Variants in CFAP97 observed in about 807,000 individuals in gnomAD.
The protein encoded by CFAP97 is cilia- and flagella-associated protein 97.
A neutral mutation model predicts 43.1 loss-of-function variants in CFAP97; 36 were observed. The observed-to-expected ratio is 0.84, with a 90% CI of 0.64 to 1.10. The LOEUF is 1.10. Ranked by LOEUF, CFAP97 falls within the 50% of genes least tolerant of loss-of-function variation. The pLI is 0.00. For synonymous variants in CFAP97, 228 were observed against 225.7 expected, an observed-to-expected ratio of 1.01 and a Z score of -0.09; for missense variants, 657 against 620.3, an observed-to-expected ratio of 1.06 and a Z score of -0.63.
At chr4:185,207,398 A>G (rs1175301859), upstream of CFAP97, among the ~76,000 whole-genome samples, 1 of 151,638 alleles carries the variant, frequency 6.6e-6, no homozygotes, top group South Asian at 2.1e-4. Flanking sequence ...TTGTATTTTT[A>G]GTAGAGACGG....
chr4:185,162,638 T>G lies in CFAP97; in HGVS notation c.*160A>C. The G allele has an allele frequency of 4.1e-6, 3 of 731,546 alleles. No homozygotes were observed. The South Asian group carries it at 5.8e-5, about 14-fold the overall frequency. 45.3% of individuals were successfully genotyped at this position (731,546 alleles called of 1,614,324 possible). ...ACACTTTTTACATTAAATCGTTTTT[T>G]GACAATAATTTTGCACTGAATAACA... On this transcript the variant is annotated 3_prime_UTR_variant, in exon 5 of 5. Transcript: ENST00000458385.
chr4:185,195,802 G>C (rs760893601), intron 1 of CFAP97, among the ~76,000 whole-genome samples: 2 of 152,094 alleles, frequency 1.3e-5, no homozygotes, highest in Non-Finnish European at 2.9e-5. Flanking sequence ...GCCACTGAAT[G>C]GTGAATAGGT....
intron 2 of CFAP97, among the ~76,000 whole-genome samples, chr4:185,188,611 T>C (rs981500718): frequency 6.6e-6 from 1 of 152,198 alleles, no homozygotes; most frequent in Admixed American, 6.5e-5. Flanking sequence ...CCAAAGGTGC[T>C]AGGATTACAG....
Position 185,165,829 on chromosome 4 carries a change from A to T in CFAP97, c.1321-1650T>A, listed in dbSNP as rs77459634. Among the ~76,000 whole-genome samples, 796 of 152,280 alleles carry T rather than the reference A, an allele frequency of 5.2e-3. 5 individuals are homozygous for T. The highest frequency in any genetic ancestry group is 0.018 in the African/African-American group (733 of 41,548). On this transcript the variant is annotated intron_variant, in intron 3 of 4. Transcript: ENST00000458385. ...CTTTTCTTCCACTTGGTGTTTTATC[A>T]GTTTCACCCCCTGCCCTTCCATGCT...
At chr4:185,189,148 GAT>G (rs1328052216) in intron 2 of CFAP97, among the ~76,000 whole-genome samples, 1 of 152,082 alleles carries the variant, frequency 6.6e-6, no homozygotes, top group African/African-American at 2.4e-5. Flanking sequence ...GAGGCAGGAG[GAT>G]TACTTAAGCC....
At chr4:185,185,206 T>C (rs995797170) in intron 2 of CFAP97, among the ~76,000 whole-genome samples, 1 of 151,688 alleles carries the variant, frequency 6.6e-6, no homozygotes. Flanking sequence ...GAGCTGTACT[T>C]TTTTTTTTCT....
chr4:185,196,732 T>C (rs1314388465), intron 1 of CFAP97, among the ~76,000 whole-genome samples: 1 of 152,180 alleles, frequency 6.6e-6, no homozygotes, highest in African/African-American at 2.4e-5. Context: ...TCATAGGTAA[T>C]ATGACAGAGT....
chr4:185,205,603 C>T (rs1435732842), upstream of CFAP97, among the ~76,000 whole-genome samples: 2 of 152,064 alleles, frequency 1.3e-5, no homozygotes, highest in Non-Finnish European at 2.9e-5. Context: ...CTGAGGTGGG[C>T]GGATCACCTG....
At chr4:185,181,956 A>G (rs904728088) in intron 2 of CFAP97, among the ~76,000 whole-genome samples, 1 of 152,164 alleles carries the variant, frequency 6.6e-6, no homozygotes. Context: ...ACACGTTGGT[A>G]TCACTTTAGC....
Position 185,190,625 on chromosome 4 carries a change from G to C in CFAP97, c.572C>G (p.Ala191Gly), listed in dbSNP as rs748731270. The change falls in exon 2 of 5, where the codon GCA becomes GGA. Residue 191 changes from alanine to glycine, a missense_variant. By Grantham distance (60) the Ala-to-Gly change is moderately conservative (BLOSUM62 0). Transcript: ENST00000458385. ...ATCAGATAGATGGCTATCAGACCCT[G>C]CATCTAAACAATCTGTACCTGAACC... Reference protein sequence around the residue: ...SSGSGTDCLDAGSDSHLSDSS... With the variant: ...SSGSGTDCLDGGSDSHLSDSS... 3 of 1,598,748 alleles carry C rather than the reference G, an allele frequency of 1.9e-6. No homozygotes were observed. Among genetic ancestry groups the C allele is most frequent in the Non-Finnish European group, 2.6e-6 (3 of 1,171,982 alleles).
intron 2 of CFAP97, among the ~76,000 whole-genome samples, chr4:185,189,144 G>T (rs1430205715): frequency 1.3e-5 from 2 of 152,212 alleles, no homozygotes; most frequent in African/African-American, 4.8e-5. Context: ...GGCTGAGGCA[G>T]GAGGATTACT....
intron 3 of CFAP97, among the ~76,000 whole-genome samples, chr4:185,167,906 T>G (rs1467410994): frequency 6.8e-6 from 1 of 146,454 alleles, no homozygotes; most frequent in South Asian, 2.1e-4. Flanking sequence ...GGCTGAGGCA[T>G]GAGAATCACT....
At chr4:185,205,775 G>A (rs1179482123), upstream of CFAP97, among the ~76,000 whole-genome samples, 1 of 152,230 alleles carries the variant, frequency 6.6e-6, no homozygotes, top group East Asian at 1.9e-4. Context: ...GTTGCAGTAA[G>A]CTGAGATCAC....
At chr4:185,199,175 C>A (rs1056156782) in intron 1 of CFAP97, among the ~76,000 whole-genome samples, 17 of 152,088 alleles carry the variant, frequency 1.1e-4, no homozygotes, top group Non-Finnish European at 2.4e-4. Context: ...GAGATGGAGA[C>A]CAGCCTGAGC....
At chr4:185,198,581 G>A (rs1054594314) in intron 1 of CFAP97, among the ~76,000 whole-genome samples, 1 of 152,004 alleles carries the variant, frequency 6.6e-6, no homozygotes, top group African/African-American at 2.4e-5. Context: ...CCTCAGGTCA[G>A]GAGTTCAAGA....
intron 2 of CFAP97, among the ~76,000 whole-genome samples, chr4:185,179,141 A>G (rs1735679876): frequency 6.6e-6 from 1 of 151,828 alleles, no homozygotes; most frequent in Non-Finnish European, 1.5e-5. Context: ...TCAAAGAGCC[A>G]TGGCTGAGAA....
At chr4:185,192,330 T>A (rs1224254375) in intron 1 of CFAP97, among the ~76,000 whole-genome samples, 1 of 152,236 alleles carries the variant, frequency 6.6e-6, no homozygotes, top group African/African-American at 2.4e-5. Flanking sequence ...ATTCACAGCA[T>A]ACAGCCAATG....
At chr4:185,183,564 T>C (rs115197320) in intron 2 of CFAP97, among the ~76,000 whole-genome samples, 151 of 152,356 alleles carry the variant, frequency 9.9e-4, no homozygotes, top group African/African-American at 3.5e-3. Flanking sequence ...AGTTATATGG[T>C]GGAAAATAAA....
Position 185,162,466 on chromosome 4 carries a change from C to CTA in CFAP97, c.*330_*331dup, listed in dbSNP as rs4052701. 133,449 of 273,414 alleles carry CTA rather than the reference C, an allele frequency of 0.49. 33,260 individuals are homozygous for CTA. Among genetic ancestry groups the CTA allele is most frequent in the African/African-American group, 0.61 (26,098 of 42,852 alleles). The allele number at this position is 273,414 out of a possible 1,614,324, so 16.9% of individuals were successfully genotyped here. A position where few individuals can be genotyped will look rare whatever the true frequency, so the allele number is the denominator to read the frequency against. On this transcript the variant is annotated 3_prime_UTR_variant, in exon 5 of 5. Transcript: ENST00000458385. ...AAATGAAAATAACACAAATTGAAAA[C>CTA]TATAGTGACCATCTTGGGTACGACA... is the stretch of plus-strand genomic sequence containing the variant.
Sources: allele counts gnomAD v4.1 joint callset (sites outside exome capture counted in the v4.1 genomes callset), GRCh38; gene constraint gnomAD v4.1.1; transcripts MANE v1.5; gene names NCBI Gene and HGNC (gene_info 2026-07-23, HGNC 2026-07-21).